The following HHLA1 variants were observed in gnomAD, a reference collection of about 807,000 sequenced individuals.
HHLA1 encodes the protein HHLA1 neighbor of OC90.
Under a neutral mutation model 69.9 loss-of-function variants are expected in HHLA1, and 72 were observed. That is an observed-to-expected ratio of 1.03 (90% CI 0.85 to 1.25). The LOEUF (loss-of-function observed/expected upper bound fraction) is 1.25, where lower values mean the gene tolerates loss of function less well. Ranked by LOEUF, HHLA1 falls within the 50% of genes most tolerant of loss-of-function variation. The pLI is 0.00. For synonymous variants in HHLA1, 252 were observed against 233.2 expected (o/e 1.08, Z -0.73); for missense variants, 685 against 642.2 (o/e 1.07, Z -0.72).
chr8:132,084,178 G>C (rs1006334198), intron 10 of HHLA1, among the ~76,000 whole-genome samples: 3 of 152,094 alleles, frequency 2.0e-5, no homozygotes, highest in South Asian at 2.1e-4. Flanking sequence ...GGGCTAGTCA[G>C]GGAACGAAAC....
chr8:132,071,896 T>C (rs1397664727), intron 14 of HHLA1, among the ~76,000 whole-genome samples: 2 of 152,050 alleles, frequency 1.3e-5, no homozygotes, highest in Non-Finnish European at 2.9e-5. Flanking sequence ...ATGAGGTATG[T>C]ATATGCATGT....
intron 5 of HHLA1, among the ~76,000 whole-genome samples, chr8:132,096,046 G>C (rs900137403): frequency 1.3e-5 from 2 of 152,308 alleles, no homozygotes; most frequent in East Asian, 1.9e-4. Context: ...AGATTCCCAA[G>C]GCATATTAGG....
At chr8:132,098,775 T>A in intron 5 of HHLA1, 107 bp downstream of exon 5, 2 of 653,562 alleles carry the variant, frequency 3.1e-6, no homozygotes, top group Non-Finnish European at 5.2e-6. Context: ...ACCGAGAAAC[T>A]GACACACAGA....
Position 132,064,164 on chromosome 8 carries a change from G to A in HHLA1, c.1553-126C>T, listed in dbSNP as rs1823396810. 7.7e-6 allele frequency: 3 copies of A among 392,052 alleles called. No homozygotes were observed. The Admixed American group carries it at 1.0e-4, about 13-fold the overall frequency. 24.3% of individuals were successfully genotyped at this position (392,052 alleles called of 1,614,324 possible). On this transcript the variant is annotated intron_variant, in intron 16 of 16. Transcript: ENST00000414222. ...TTCCGGAGAGCAAGTGTGGGGCAGT[G>A]CACTGGACAGGGGTCACTAGGGGTG...
chr8:132,070,818 C>T (rs1310793352), intron 15 of HHLA1, among the ~76,000 whole-genome samples: 1 of 151,938 alleles, frequency 6.6e-6, no homozygotes, highest in Non-Finnish European at 1.5e-5. Flanking sequence ...CATCACAACT[C>T]AAGTCATCTC....
intron 1 of HHLA1, among the ~76,000 whole-genome samples, chr8:132,110,102 G>A (rs745372186): frequency 5.3e-5 from 8 of 152,314 alleles, no homozygotes; most frequent in Middle Eastern, 3.4e-3. Context: ...AGCTTGATGA[G>A]CAAACCTGCC....
In HHLA1 at chr8:132,074,233, C is replaced by T. The variant is rs148854812; in HGVS notation, c.1315+1822G>A. On this transcript the variant is annotated intron_variant, in intron 14 of 16. Coordinates refer to ENST00000414222, the MANE Select transcript of HHLA1 (RefSeq NM_001145095.3). The stretch of plus-strand genomic sequence containing the variant: ...ATTCTCAATCAATAAACTCTTGAAC[C>T]ATCCCCTCACCTGAAGGTAATCTCT... Among the ~76,000 whole-genome samples, 993 of 152,304 alleles carry T rather than the reference C, an allele frequency of 6.5e-3. 15 individuals carry two copies. Among genetic ancestry groups the T allele is most frequent in the African/African-American group, 0.023 (940 of 41,564 alleles).
intron 10 of HHLA1, among the ~76,000 whole-genome samples, chr8:132,081,483 G>A (rs892943863): frequency 9.2e-5 from 14 of 152,130 alleles, no homozygotes; most frequent in Admixed American, 3.9e-4. Context: ...ACGGAGGACC[G>A]TAAGGGATAT....
intron 13 of HHLA1, 23 bp downstream of exon 13, chr8:132,076,452 C>A (rs755185445): frequency 5.4e-6 from 8 of 1,484,196 alleles, no homozygotes; most frequent in Non-Finnish European, 7.3e-6. Context: ...CCCAAACCCC[C>A]ACTTCCGTAC....
chr8:132,096,895 C>A lies in HHLA1; in HGVS notation c.281-1109G>T, dbSNP rs10096281. Reference sequence around the variant, plus strand: ...TGCAGTCACAGCTCACTGCGGCCTCCACCTCTCAGGCTCCAGTAATCCTCC... The same window carrying A: ...TGCAGTCACAGCTCACTGCGGCCTCAACCTCTCAGGCTCCAGTAATCCTCC... On this transcript the variant is annotated intron_variant, in intron 5 of 16. Transcript: ENST00000414222. 1.8e-3 allele frequency among the ~76,000 whole-genome samples: 275 copies of A among 152,244 alleles called. 2 individuals carry two copies. In the East Asian group the frequency reaches 0.03, roughly 16 times the overall value.
chr8:132,099,005 G>T, intron 4 of HHLA1, 43 bp from the exon 5 acceptor site: 4 of 1,372,702 alleles, frequency 2.9e-6, no homozygotes, highest in South Asian at 1.3e-5. Context: ...GGCTTTTCTC[G>T]GCAAGAGAAA....
rs1256474727 is a variant in HHLA1, at chr8:132,062,013, C to T, written c.*1982G>A. 1 of 152,222 alleles carries T rather than the reference C, an allele frequency of 6.6e-6. No homozygotes were observed. The highest frequency in any genetic ancestry group is 1.5e-5 in the Non-Finnish European group (1 of 68,044). The allele number at this position is 152,222 out of a possible 1,614,324, so 9.4% of individuals were successfully genotyped here. On this transcript the variant is annotated 3_prime_UTR_variant, in exon 17 of 17. Transcript: ENST00000414222. ...AAGTGAATAGCCCCAGTCTTGGGCC[C>T]AAGCCATCCATCCATTCTTCACCTT...
chr8:132,082,651 T>A (rs2469606), intron 10 of HHLA1, among the ~76,000 whole-genome samples: 94,126 of 151,876 alleles, frequency 0.62, 29,347 homozygotes, highest in South Asian at 0.71. Flanking sequence ...GGTGTCAGAG[T>A]CAGTCTAAGT....
chr8:132,077,114 G>A (rs1410563357), intron 12 of HHLA1, among the ~76,000 whole-genome samples: 3 of 152,106 alleles, frequency 2.0e-5, no homozygotes, highest in Non-Finnish European at 4.4e-5. Flanking sequence ...TGAGAGAGAA[G>A]CTCAAGCAGG....
chr8:132,076,324 C>G, intron 13 of HHLA1, 151 bp downstream of exon 13: 1 of 699,384 alleles, frequency 1.4e-6, no homozygotes. Context: ...TAAACCAGTT[C>G]TCCTGACTCT....
intron 5 of HHLA1, among the ~76,000 whole-genome samples, chr8:132,096,835 G>C (rs115027138): frequency 0.011 from 1,717 of 152,092 alleles, 40 homozygotes; most frequent in African/African-American, 0.039. Flanking sequence ...TTTTAGACAG[G>C]GTCTTGCTCT....
At chr8:132,092,047 C>T (rs960975279) in intron 7 of HHLA1, among the ~76,000 whole-genome samples, 1 of 152,056 alleles carries the variant, frequency 6.6e-6, no homozygotes, top group Non-Finnish European at 1.5e-5. Flanking sequence ...TCAATGAATA[C>T]TAAGAATTCA....
At chr8:132,091,162 C>T (rs1411346966) in intron 7 of HHLA1, among the ~76,000 whole-genome samples, 4 of 152,270 alleles carry the variant, frequency 2.6e-5, no homozygotes, top group African/African-American at 7.2e-5. Context: ...AAATATTCAT[C>T]GAGCATTTGC....
At position 132,105,298 on chromosome 8, in the gene HHLA1, C is replaced by A. The variant is rs1048517875; in HGVS notation, c.-21-12G>T. The A allele has an allele frequency of 2.0e-6, 3 of 1,507,934 alleles. No homozygotes were observed. The African/African-American group carries it at 4.2e-5, about 21-fold the overall frequency. The allele number at this position is 1,507,934 out of a possible 1,614,324, so 93.4% of individuals were successfully genotyped here. A position where few individuals can be genotyped will look rare whatever the true frequency, so the allele number is the denominator to read the frequency against. On this transcript the variant is annotated splice_polypyrimidine_tract_variant and intron_variant, in intron 1 of 16. Transcript: ENST00000414222. ...ATACTCTGGCCCACCTGGAATGAAG[C>A]AAGCAAACACTTAGGAAACTAAGCA...
Sources: gnomAD v4.1 joint callset for allele counts (sites outside exome capture counted in the v4.1 genomes callset) on GRCh38, gnomAD v4.1.1 for gene constraint, MANE v1.5 for transcripts, NCBI Gene and HGNC (gene_info 2026-07-23, HGNC 2026-07-21) for gene names.